The following TRMT10C variants were observed in gnomAD, a reference collection of about 807,000 sequenced individuals.
TRMT10C encodes the protein tRNA methyltransferase 10C, mitochondrial RNase P subunit.
Under a neutral mutation model 27.4 loss-of-function variants are expected in TRMT10C, and 14 were observed. The observed-to-expected ratio is 0.51, with a 90% CI of 0.34 to 0.80. The LOEUF (loss-of-function observed/expected upper bound fraction) is 0.80, where lower values mean the gene tolerates loss of function less well. TRMT10C is among the 30% of genes least tolerant of loss of function. The pLI, the probability that TRMT10C is intolerant of heterozygous loss-of-function variation, is 0.02. For missense variants in TRMT10C, 438 were observed against 464.8 expected, an observed-to-expected ratio of 0.94 and a Z score of 0.53; for synonymous variants, 143 against 155.9, an observed-to-expected ratio of 0.92 and a Z score of 0.62.
rs1445437887 is a variant in TRMT10C at position 101,564,924 on chromosome 3, C to T, written c.143C>T (p.Thr48Ile). ...RYMSSKIPAV[T>I]YPKNESTPPS... The stretch of plus-strand genomic sequence containing the variant: ...ATGTCTTCCAAAATACCAGCTGTTA[C>T]TTATCCTAAAAATGAGAGTACACCC... Residue 48 changes from threonine to isoleucine, a missense_variant, in exon 2 of 2, where the codon ACT (threonine) becomes ATT (isoleucine). Physicochemically the swap from Thr to Ile is moderately conservative, Grantham distance 89. Around this residue, in one of 3 missense-constraint regions of TRMT10C, gnomAD observed 350 missense variants for 370.5 expected, o/e 0.94. Coordinates refer to ENST00000309922, the MANE Select transcript of TRMT10C (RefSeq NM_017819.4). 1.9e-6 allele frequency: 3 copies of T among 1,613,798 alleles called. No homozygotes were observed. The South Asian group carries it at 3.3e-5, about 18-fold the overall frequency.
chr3:101,565,934 C>G lies in TRMT10C; in HGVS notation c.1153C>G (p.Leu385Val). 1 of 1,613,580 alleles carries G rather than the reference C, an allele frequency of 6.2e-7. No homozygotes were observed. Among genetic ancestry groups the G allele is most frequent in the Non-Finnish European group, 8.5e-7 (1 of 1,179,848 alleles). ...FVPKRKHTGF[L>V]EISQHSQEFI... The stretch of plus-strand genomic sequence containing the variant: ...TCCCAAGAGAAAACATACTGGTTTT[C>G]TGGAGATTTCTCAGCATTCTCAAGA... Residue 385 changes from leucine (L) to valine (V), a missense_variant, in exon 2 of 2, where the codon CTG becomes GTG. By Grantham distance (32) the Leu-to-Val change is conservative (BLOSUM62 1). Coordinates refer to ENST00000309922, the MANE Select transcript of TRMT10C (RefSeq NM_017819.4).
chr3:101,564,984 C>T lies in TRMT10C; in HGVS notation c.203C>T (p.Thr68Ile), dbSNP rs760205227. The T allele has an allele frequency of 6.2e-7, 1 of 1,613,824 alleles. No individual in the cohort carries two copies. Among genetic ancestry groups the T allele is most frequent in the Non-Finnish European group, 8.5e-7 (1 of 1,179,968 alleles). Residue 68 changes from threonine to isoleucine, a missense_variant, in exon 2 of 2, where the codon ACT (threonine) becomes ATT (isoleucine). By Grantham distance (89) the Thr-to-Ile change is moderately conservative. Coordinates refer to ENST00000309922, the MANE Select transcript of TRMT10C (RefSeq NM_017819.4). Reference protein sequence around the residue: ...SEELELDKWKTTMKSSVQEEC... With the variant: ...SEELELDKWKITMKSSVQEEC... Reference sequence around the variant, plus strand: ...GAGCTAGAGTTGGATAAGTGGAAAACTACCATGAAATCTAGTGTGCAAGAA... The same window carrying T: ...GAGCTAGAGTTGGATAAGTGGAAAATTACCATGAAATCTAGTGTGCAAGAA...
At chr3:101,564,660 G>A in intron 1 of TRMT10C, 110 bp from the exon 2 acceptor site, 1 of 1,148,618 alleles carries the variant, frequency 8.7e-7, no homozygotes, top group Non-Finnish European at 1.2e-6. Context: ...TTTACCTTGT[G>A]TTTCAAAAAT....
chr3:101,564,346 C>G (rs1222748462), intron 1 of TRMT10C, among the ~76,000 whole-genome samples: 1 of 148,876 alleles, frequency 6.7e-6, no homozygotes, highest in African/African-American at 2.5e-5. Flanking sequence ...CAACCTCCAA[C>G]TCCCGGGTTC....
At position 101,565,173 on chromosome 3, in the gene TRMT10C, A is replaced by T. The variant is rs746640395; in HGVS notation, c.392A>T (p.Lys131Ile). The stretch of plus-strand genomic sequence containing the variant: ...TGTGTTTCTAACACAGCAAAAAAAA[A>T]ATATTTAAAATATTTATATACGAAG... ...MECVSNTAKK[K>I]YLKYLYTKEK... Residue 131 changes from lysine (K) to isoleucine (I), a missense_variant, in exon 2 of 2, where the codon AAA becomes ATA. Transcript: ENST00000309922. 2 of 1,549,722 alleles carry T rather than the reference A, an allele frequency of 1.3e-6. No individual in the cohort carries two copies. The highest frequency in any genetic ancestry group is 1.7e-6 in the Non-Finnish European group (2 of 1,153,292).
In TRMT10C at chr3:101,564,887, T is replaced by C; in HGVS notation, c.106T>C (p.Leu36=). 6.2e-7 allele frequency: 1 copy of C among 1,614,100 alleles called. No homozygotes were observed. Among genetic ancestry groups the C allele is most frequent in the Non-Finnish European group, 8.5e-7 (1 of 1,180,006 alleles). ...LHRKRNNLTI[L]QRYMSSKIPA... The stretch of plus-strand genomic sequence containing the variant: ...TAGGAAGAGAAATAACTTAACAATT[T>C]TGCAGAGATACATGTCTTCCAAAAT... The change falls in exon 2 of 2, where the codon TTG becomes CTG. Residue 36 remains leucine, a synonymous_variant. Transcript: ENST00000309922.
At position 101,566,176 on chromosome 3, in the gene TRMT10C, A is replaced by G. The variant is rs140769983; in HGVS notation, c.*183A>G. The G allele has an allele frequency of 1.3e-5, 8 of 608,958 alleles. No individual in the cohort carries two copies. Among genetic ancestry groups the G allele is most frequent in the East Asian group, 3.0e-5 (1 of 33,496 alleles). 37.7% of individuals were successfully genotyped at this position (608,958 alleles called of 1,614,324 possible). On this transcript the variant is annotated 3_prime_UTR_variant, in exon 2 of 2. Coordinates refer to ENST00000309922, the MANE Select transcript of TRMT10C (RefSeq NM_017819.4). ...GACTGTAGGGTTGTGTCTTTTCCCA[A>G]TTAAATATCTGCAGAACTTTGGGAT... is the stretch of plus-strand genomic sequence containing the variant.
rs757283699 is a variant in TRMT10C, at chr3:101,565,020, C to G, written c.239C>G (p.Ser80Ter). The change falls in exon 2 of 2, where the codon TCA (serine) becomes TGA (stop). Residue 80 changes from serine to a stop codon, truncating the protein, a stop_gained. Coordinates refer to ENST00000309922, the MANE Select transcript of TRMT10C (RefSeq NM_017819.4). LOFTEE classifies it high-confidence loss of function. ...MKSSVQEECV[S>*]TISSSKDEDP... ...TCTAGTGTGCAAGAAGAATGTGTTTCAACAATCTCAAGCAGTAAGGATGAA... is the reference window on the plus strand; with the variant it reads ...TCTAGTGTGCAAGAAGAATGTGTTTGAACAATCTCAAGCAGTAAGGATGAA... 1 of 1,613,824 alleles carries G rather than the reference C, an allele frequency of 6.2e-7. No homozygotes were observed. The highest frequency in any genetic ancestry group is 8.5e-7 in the Non-Finnish European group (1 of 1,179,986).
intron 1 of TRMT10C, among the ~76,000 whole-genome samples, chr3:101,562,684 CTTT>C (rs1218064316): frequency 7.0e-6 from 1 of 143,798 alleles, no homozygotes; most frequent in Non-Finnish European, 1.5e-5. Flanking sequence ...CTTTTTTTTT[CTTT>C]TTTTTTTTTT....
chr3:101,564,704 C>G, intron 1 of TRMT10C, 66 bp from the exon 2 acceptor site: 1 of 1,370,616 alleles, frequency 7.3e-7, no homozygotes. Flanking sequence ...TTTATACTTG[C>G]ACAATTAGTT....
At chr3:101,562,039 T>C (rs1934423884) in intron 1 of TRMT10C, 36 bp downstream of exon 1, 1 of 152,178 alleles carries the variant, frequency 6.6e-6, no homozygotes, top group African/African-American at 2.4e-5. Context: ...ATGTGTGTGT[T>C]GGGGGTGGGA....
At position 101,565,896 on chromosome 3, in the gene TRMT10C, C is replaced by T. The variant is rs759188014; in HGVS notation, c.1115C>T (p.Ala372Val). The T allele has an allele frequency of 3.1e-6, 5 of 1,614,144 alleles. No homozygotes were observed. Among genetic ancestry groups the T allele is most frequent in the African/African-American group, 1.3e-5 (1 of 75,050 alleles). ...CLKNNGNWQE[A>V]LQFVPKRKHT... ...AAAAACAATGGTAATTGGCAAGAGG[C>T]TCTGCAATTCGTTCCCAAGAGAAAA... The change falls in exon 2 of 2, where the codon GCT becomes GTT. Residue 372 changes from alanine to valine, a missense_variant. Ala to Val is a moderately conservative substitution (Grantham distance 64). Coordinates refer to ENST00000309922, the MANE Select transcript of TRMT10C (RefSeq NM_017819.4).
rs1318729776 is a variant in TRMT10C, at chr3:101,565,268, A to G, written c.487A>G (p.Ile163Val). ...AGCAGCAAGGGAAGAAGCAAAAAAT[A>G]TCAAGCTGCTAGAAACCACTGAGGA... ...KAAAREEAKN[I>V]KLLETTEEDK... is the part of the protein sequence containing the mutation. Residue 163 changes from isoleucine to valine, a missense_variant, in exon 2 of 2, where the codon ATC becomes GTC. Coordinates refer to ENST00000309922, the MANE Select transcript of TRMT10C (RefSeq NM_017819.4). 4 of 1,611,746 alleles carry G rather than the reference A, an allele frequency of 2.5e-6. No homozygotes were observed. Among genetic ancestry groups the G allele is most frequent in the African/African-American group, 1.3e-5 (1 of 74,850 alleles).
chr3:101,564,206 T>C (rs71315243), intron 1 of TRMT10C, among the ~76,000 whole-genome samples: 21,581 of 151,242 alleles, frequency 0.14, 1,612 homozygotes, highest in South Asian at 0.2. Flanking sequence ...CTTCAACTTA[T>C]CCTTTTAGCT....
rs144642241 is a variant in TRMT10C, at chr3:101,564,127, G to A, written c.-12-643G>A. Among the ~76,000 whole-genome samples the A allele has an allele frequency of 5.3e-5, 8 of 151,852 alleles. No homozygotes were observed. The East Asian group carries it at 1.4e-3, about 26-fold the overall frequency. ...GCAGCATCATGATGTCAGCTGCCTC[G>A]GTGGTACATAACTTTGTTGCCCAGT... On this transcript the variant is annotated intron_variant, in intron 1 of 1. Coordinates refer to ENST00000309922, the MANE Select transcript of TRMT10C (RefSeq NM_017819.4).
chr3:101,565,232 G>C lies in TRMT10C; in HGVS notation c.451G>C (p.Glu151Gln). The part of the protein sequence containing the change: ...KVKKARQIKK[E>Q]MKAAAREEAK... ...GAAAAAAGCTAGGCAAATAAAAAAGGAAATGAAAGCAGCAGCAAGGGAAGA... is the reference window on the plus strand; with the variant it reads ...GAAAAAAGCTAGGCAAATAAAAAAGCAAATGAAAGCAGCAGCAAGGGAAGA... The change falls in exon 2 of 2, where the codon GAA becomes CAA. Residue 151 changes from glutamate (E) to glutamine (Q), a missense_variant. Transcript: ENST00000309922. 1 of 1,605,974 alleles carries C rather than the reference G, an allele frequency of 6.2e-7. No individual in the cohort carries two copies. Among genetic ancestry groups the C allele is most frequent in the South Asian group, 1.1e-5 (1 of 89,228 alleles).
rs1934502448 is a variant in TRMT10C at position 101,565,705 on chromosome 3, A to G, written c.924A>G (p.Val308=). ...CTTTCAGGCATGACAAAGTTTATGTAATTGGGTCTTTTGTTGATAAGAGTA... is the reference window on the plus strand; with the variant it reads ...CTTTCAGGCATGACAAAGTTTATGTGATTGGGTCTTTTGTTGATAAGAGTA... ...MTTFRHDKVY[V]IGSFVDKSMQ... Residue 308 remains valine, a synonymous_variant, in exon 2 of 2, where the codon GTA becomes GTG. Transcript: ENST00000309922. 1 of 1,614,216 alleles carries G rather than the reference A, an allele frequency of 6.2e-7. No individual in the cohort carries two copies. Among genetic ancestry groups the G allele is most frequent in the Non-Finnish European group, 8.5e-7 (1 of 1,180,036 alleles).
rs554984794 is a variant in TRMT10C at position 101,566,165 on chromosome 3, G to A, written c.*172G>A. The A allele has an allele frequency of 2.9e-6, 2 of 678,962 alleles. No homozygotes were observed. The highest frequency in any genetic ancestry group is 3.6e-5 in the African/African-American group (2 of 55,246). 42.1% of individuals were successfully genotyped at this position (678,962 alleles called of 1,614,324 possible). A position where few individuals can be genotyped will look rare whatever the true frequency, so the allele number is the denominator to read the frequency against. ...CTTTCCCAACTGACTGTAGGGTTGTGTCTTTTCCCAATTAAATATCTGCAG... is the reference window on the plus strand; with the variant it reads ...CTTTCCCAACTGACTGTAGGGTTGTATCTTTTCCCAATTAAATATCTGCAG... On this transcript the variant is annotated 3_prime_UTR_variant, in exon 2 of 2. Coordinates refer to ENST00000309922, the MANE Select transcript of TRMT10C (RefSeq NM_017819.4).
At chr3:101,563,563 G>A (rs1056422744) in intron 1 of TRMT10C, among the ~76,000 whole-genome samples, 3 of 152,156 alleles carry the variant, frequency 2.0e-5, no homozygotes, top group East Asian at 1.9e-4. Flanking sequence ...GATAGAATGC[G>A]GAGTTACATC....
Sources: gnomAD v4.1 joint callset for allele counts (sites outside exome capture counted in the v4.1 genomes callset) on GRCh38, gnomAD v4.1.1 for gene constraint, gnomAD v4.1.1 regional missense constraint, MANE v1.5 for transcripts, NCBI Gene and HGNC (gene_info 2026-07-23, HGNC 2026-07-21) for gene names.